The following CSMD1 variants were observed in gnomAD, a reference collection of about 807,000 sequenced individuals.
The protein encoded by CSMD1 is CUB and sushi domain-containing protein 1.
In CSMD1, 213 loss-of-function variants were observed where a neutral mutation model predicts 417.5. The ratio of observed to expected loss-of-function variants is 0.51; its 90% CI spans 0.46 to 0.57. CSMD1 has a LOEUF of 0.57. Among genes scored for constraint, CSMD1 ranks in the 20% least tolerant of loss-of-function variants. The probability of loss-of-function intolerance (pLI) is 0.00; values close to 1 mark genes in which losing one functional copy is unlikely to be tolerated. For missense variants in CSMD1, 6,923 were observed against 4,529.7 expected (o/e 1.53, Z -15.17); for synonymous variants, 2,862 against 1,736.8 (o/e 1.65, Z -16.11).
intron 49 of CSMD1, among the ~76,000 whole-genome samples, chr8:3,054,478 T>C (rs2018526): frequency 0.49 from 74,555 of 151,990 alleles, 19,052 homozygotes; most frequent in Non-Finnish European, 0.57. Flanking sequence ...ATTAGGCAGA[T>C]GTGGTGGCAC....
At chr8:3,308,555 C>G in intron 23 of CSMD1, 52 bp from the exon 24 acceptor site, 1 of 1,461,334 alleles carries the variant, frequency 6.8e-7, no homozygotes, top group Non-Finnish European at 9.4e-7. Flanking sequence ...GGACATCTGC[C>G]TTAAAACAGA....
chr8:4,042,147 T>G (rs182020580), intron 3 of CSMD1, among the ~76,000 whole-genome samples: 1 of 152,164 alleles, frequency 6.6e-6, no homozygotes, highest in Non-Finnish European at 1.5e-5. Flanking sequence ...ACTTCAAAAT[T>G]TACTAAAACA....
intron 3 of CSMD1, among the ~76,000 whole-genome samples, chr8:4,374,966 G>GA (rs1207623816): frequency 3.9e-5 from 5 of 129,572 alleles, no homozygotes; most frequent in South Asian, 3.0e-4. Flanking sequence ...TGGGGTGGGG[G>GA]GGGGGGGCGA....
At chr8:3,171,466 G>T (rs924972856) in intron 37 of CSMD1, among the ~76,000 whole-genome samples, 25 of 152,176 alleles carry the variant, frequency 1.6e-4, no homozygotes, top group Non-Finnish European at 2.9e-5. Flanking sequence ...TCAAAAGTAT[G>T]ACAGGACTGA....
chr8:4,755,174 G>C (rs1210366605), intron 1 of CSMD1, among the ~76,000 whole-genome samples: 2 of 152,098 alleles, frequency 1.3e-5, no homozygotes, highest in African/African-American at 4.8e-5. Context: ...CAAAGTCATA[G>C]GCCAAATTTT....
chr8:3,179,056 T>G (rs1821125162), intron 37 of CSMD1, among the ~76,000 whole-genome samples: 1 of 151,416 alleles, frequency 6.6e-6, no homozygotes, highest in African/African-American at 2.4e-5. Flanking sequence ...CACGCCATTC[T>G]CCTGCCTCAG....
chr8:3,775,783 A>G (rs116314302), intron 5 of CSMD1, among the ~76,000 whole-genome samples: 1,810 of 152,342 alleles, frequency 0.012, 40 homozygotes, highest in African/African-American at 0.041. Context: ...AAGGTCCACG[A>G]AGCATTGCTG....
intron 26 of CSMD1, among the ~76,000 whole-genome samples, chr8:3,254,017 T>A (rs1262718830): frequency 6.6e-6 from 1 of 152,232 alleles, no homozygotes; most frequent in African/African-American, 2.4e-5. Flanking sequence ...TGGTACTAGT[T>A]GTTCCTTTCC....
At chr8:4,358,400 G>A (rs1396893809) in intron 3 of CSMD1, among the ~76,000 whole-genome samples, 8 of 152,034 alleles carry the variant, frequency 5.3e-5, no homozygotes, top group African/African-American at 1.2e-4. Context: ...GGACTGTTTC[G>A]TGACACGTGA....
chr8:3,141,443 C>A (rs918961054), intron 41 of CSMD1, among the ~76,000 whole-genome samples: 2 of 152,142 alleles, frequency 1.3e-5, no homozygotes, highest in African/African-American at 4.8e-5. Flanking sequence ...CCCGAAAAGA[C>A]CCCCTTCTTG....
At chr8:3,225,961 C>A (rs1258836310) in intron 27 of CSMD1, among the ~76,000 whole-genome samples, 3 of 152,168 alleles carry the variant, frequency 2.0e-5, no homozygotes, top group Non-Finnish European at 4.4e-5. Context: ...TTCGACCCAC[C>A]AACCCTTTTA....
chr8:3,901,696 T>G (rs1217264677), intron 5 of CSMD1, among the ~76,000 whole-genome samples: 1 of 152,208 alleles, frequency 6.6e-6, no homozygotes, highest in Non-Finnish European at 1.5e-5. Flanking sequence ...CTTTATTAGA[T>G]TTTGAAATGG....
chr8:3,993,429 A>G (rs752716969), intron 5 of CSMD1, among the ~76,000 whole-genome samples: 9 of 152,208 alleles, frequency 5.9e-5, no homozygotes, highest in Non-Finnish European at 1.2e-4. Context: ...CACTGGAAGC[A>G]TTAACTGACC....
At chr8:4,076,537 T>A (rs912202640) in intron 3 of CSMD1, among the ~76,000 whole-genome samples, 1 of 152,196 alleles carries the variant, frequency 6.6e-6, no homozygotes, top group Non-Finnish European at 1.5e-5. Context: ...CAAAAACGAA[T>A]ACCTAAAACA....
chr8:3,268,426 C>A (rs1384966181), intron 26 of CSMD1, among the ~76,000 whole-genome samples: 1 of 150,252 alleles, frequency 6.7e-6, no homozygotes, highest in Non-Finnish European at 1.5e-5. Flanking sequence ...GTAACTGGGA[C>A]TACAGGTGCC....
chr8:4,676,818 T>C (rs1805713811), intron 1 of CSMD1, among the ~76,000 whole-genome samples: 1 of 151,944 alleles, frequency 6.6e-6, no homozygotes, highest in Non-Finnish European at 1.5e-5. Flanking sequence ...AAAATGGCTT[T>C]GAATGTTTTG....
intron 5 of CSMD1, among the ~76,000 whole-genome samples, chr8:3,911,337 G>C (rs1010979083): frequency 3.3e-5 from 5 of 150,176 alleles, no homozygotes; most frequent in African/African-American, 9.8e-5. Context: ...ATATATCCTA[G>C]CTAACACACT....
chr8:3,495,901 ATTATC>A (rs1354381063), intron 10 of CSMD1, among the ~76,000 whole-genome samples: 1 of 151,970 alleles, frequency 6.6e-6, no homozygotes. Flanking sequence ...TTTACATATA[ATTATC>A]TTATCTTTCC....
At chr8:3,843,278 T>C (rs1469217940) in intron 5 of CSMD1, among the ~76,000 whole-genome samples, 1 of 152,180 alleles carries the variant, frequency 6.6e-6, no homozygotes, top group African/African-American at 2.4e-5. Context: ...ACTTTCGTTG[T>C]TTGTTAATGA....
Sources: allele counts gnomAD v4.1 joint callset (sites outside exome capture counted in the v4.1 genomes callset), GRCh38; gene constraint gnomAD v4.1.1; transcripts MANE v1.5; gene names NCBI Gene and HGNC (gene_info 2026-07-23, HGNC 2026-07-21).